Variants in DCBLD1 observed in about 807,000 individuals in gnomAD.
DCBLD1 encodes discoidin, CUB and LCCL domain containing 1, also known as discoidin, CUB and LCCL domain-containing protein 1.
DCBLD1 carries 57 observed loss-of-function variants against 71.5 expected under a neutral mutation model. That is an observed-to-expected ratio of 0.80 (90% CI 0.64 to 0.99). The LOEUF (loss-of-function observed/expected upper bound fraction) is 0.99. DCBLD1 is among the 50% of genes least tolerant of loss of function. The probability of loss-of-function intolerance (pLI) is 0.00; values close to 1 mark genes in which losing one functional copy is unlikely to be tolerated. For missense variants in DCBLD1, 891 were observed against 923.5 expected (o/e 0.96, Z 0.46); for synonymous variants, 380 against 363.8 (o/e 1.04, Z -0.51).
chr6:117,548,531 TG>T lies in DCBLD1; in HGVS notation c.*93del. 6.6e-7 allele frequency: 1 copy of T among 1,515,620 alleles called. No homozygotes were observed. 93.9% of individuals were successfully genotyped at this position (1,515,620 alleles called of 1,614,324 possible). On this transcript the variant is annotated 3_prime_UTR_variant, in exon 15 of 15. Transcript: ENST00000338728. ...AGCCTGCTGGTCCAGAGTGTGCGTG[TG>T]TATCGGTGTGTGTGTACACTTGCAT...
At chr6:117,524,216 T>G (rs1778473918) in intron 4 of DCBLD1, among the ~76,000 whole-genome samples, 1 of 151,718 alleles carries the variant, frequency 6.6e-6, no homozygotes, top group African/African-American at 2.4e-5. Flanking sequence ...TTTTTTTTTT[T>G]GAGACGGAGT....
chr6:117,536,784 G>A (rs1433183698), intron 6 of DCBLD1, among the ~76,000 whole-genome samples: 1 of 152,300 alleles, frequency 6.6e-6, no homozygotes, highest in East Asian at 1.9e-4. Flanking sequence ...GGAGATTTCA[G>A]GGCAGTAATC....
chr6:117,520,017 C>A (rs1778334103), intron 3 of DCBLD1, 67 bp downstream of exon 3: 1 of 1,591,658 alleles, frequency 6.3e-7, no homozygotes. Flanking sequence ...TGCCACTTAT[C>A]CCCATCCCTG....
intron 14 of DCBLD1, among the ~76,000 whole-genome samples, chr6:117,564,166 A>G (rs1779647049): frequency 6.6e-6 from 1 of 151,982 alleles, no homozygotes; most frequent in Admixed American, 6.6e-5. Flanking sequence ...TTTTTTGAAG[A>G]GACAGGGTTC....
chr6:117,532,142 G>A, intron 5 of DCBLD1, 118 bp from the exon 6 acceptor site: 1 of 1,419,878 alleles, frequency 7.0e-7, no homozygotes, highest in Non-Finnish European at 9.4e-7. Context: ...ATGGCCATTG[G>A]AAGGCTTTAT....
chr6:117,554,073 A>G (rs184653824), downstream of DCBLD1, among the ~76,000 whole-genome samples: 1 of 152,338 alleles, frequency 6.6e-6, no homozygotes, highest in Admixed American at 6.5e-5. Flanking sequence ...TAGCTATTAT[A>G]TGCAGCCTTC....
rs981040956 is a variant in DCBLD1, at chr6:117,539,049, C to A, written c.977-206C>A. On this transcript the variant is annotated intron_variant, in intron 8 of 14. Transcript: ENST00000338728. ...GGATATATGGATTAGAGAGATAATT[C>A]TTCAATGGTGAAATCTTTATATGGT... 1.1e-5 allele frequency: 8 copies of A among 697,834 alleles called. No individual in the cohort carries two copies. The African/African-American group carries it at 1.4e-4, about 13-fold the overall frequency. The allele number at this position is 697,834 out of a possible 1,614,324, so 43.2% of individuals were successfully genotyped here.
chr6:117,489,520 C>T (rs998029620), intron 1 of DCBLD1, among the ~76,000 whole-genome samples: 2 of 152,136 alleles, frequency 1.3e-5, no homozygotes, highest in African/African-American at 4.8e-5. Flanking sequence ...GAGGTAACAG[C>T]TTAAGTAGCT....
chr6:117,490,603 T>C (rs1015284647), intron 1 of DCBLD1, among the ~76,000 whole-genome samples: 3 of 152,076 alleles, frequency 2.0e-5, no homozygotes, highest in Non-Finnish European at 4.4e-5. Flanking sequence ...AAAGGTAAGG[T>C]GTATTTTTTT....
chr6:117,544,496 TA>T, intron 12 of DCBLD1, 31 bp from the exon 13 acceptor site: 1 of 1,612,420 alleles, frequency 6.2e-7, no homozygotes, highest in Non-Finnish European at 8.5e-7. Context: ...CATTGGCTTA[TA>T]AATATTCAGT....
intron 3 of DCBLD1, 111 bp from the exon 4 acceptor site, chr6:117,521,414 T>C (rs1778379781): frequency 4.6e-6 from 4 of 862,270 alleles, no homozygotes; most frequent in Admixed American, 6.4e-5. Flanking sequence ...GATAACTACA[T>C]AGTGAATAAA....
Position 117,487,439 on chromosome 6 carries a change from A to G in DCBLD1, c.112+4546A>G, listed in dbSNP as rs114473731. 2.2e-3 allele frequency among the ~76,000 whole-genome samples: 339 copies of G among 152,266 alleles called. 2 individuals carry two copies. The highest frequency in any genetic ancestry group is 7.8e-3 in the African/African-American group (326 of 41,550). On this transcript the variant is annotated intron_variant, in intron 1 of 14. Transcript: ENST00000338728. ...TCAGGAGTTTGAGACAGCCTGAGCA[A>G]CATAGCGAAATCCCATCTCTAGCGA...
chr6:117,549,242 A>G lies in DCBLD1; in HGVS notation c.*803A>G, dbSNP rs1461338224. ...GTACCTCAGATTAAAAATATTGCTG[A>G]GGTCAGACGCCACAATTTTCATGAC... On this transcript the variant is annotated 3_prime_UTR_variant, in exon 15 of 15. Coordinates refer to ENST00000338728, the MANE Select transcript of DCBLD1 (RefSeq NM_001366458.2). The G allele has an allele frequency of 1.0e-6, 1 of 985,420 alleles. No individual in the cohort carries two copies. The highest frequency in any genetic ancestry group is 1.2e-6 in the Non-Finnish European group (1 of 829,942). The allele number at this position is 985,420 out of a possible 1,614,324, so 61.0% of individuals were successfully genotyped here.
rs1355106554 is a variant in DCBLD1, at chr6:117,482,779, G to C, written c.-3G>C. Reference sequence around the variant, plus strand: ...GCTTGCCAAGCTGGCGCCCAGCGGGGTCATGGTGCCCGGCGCCCGCGGCGG... The same window carrying C: ...GCTTGCCAAGCTGGCGCCCAGCGGGCTCATGGTGCCCGGCGCCCGCGGCGG... On this transcript the variant is annotated 5_prime_UTR_variant, in exon 1 of 15. Coordinates refer to ENST00000338728, the MANE Select transcript of DCBLD1 (RefSeq NM_001366458.2). 2 of 1,139,414 alleles carry C rather than the reference G, an allele frequency of 1.8e-6. No homozygotes were observed. Among genetic ancestry groups the C allele is most frequent in the Non-Finnish European group, 2.2e-6 (2 of 929,302 alleles). 70.6% of individuals were successfully genotyped at this position (1,139,414 alleles called of 1,614,324 possible). A position where few individuals can be genotyped will look rare whatever the true frequency, so the allele number is the denominator to read the frequency against.
intron 14 of DCBLD1, chr6:117,563,488 A>G: frequency 9.5e-7 from 1 of 1,050,310 alleles, no homozygotes. Context: ...TTGAGAGGCC[A>G]AGGTGGGTGG....
intron 2 of DCBLD1, among the ~76,000 whole-genome samples, chr6:117,507,773 G>A (rs375080364): frequency 2.0e-5 from 3 of 152,120 alleles, no homozygotes; most frequent in East Asian, 1.9e-4. Flanking sequence ...TGTCAGTTGA[G>A]TTGGTTTGAT....
chr6:117,530,212 AG>A (rs1326261843), intron 5 of DCBLD1, among the ~76,000 whole-genome samples: 8 of 152,220 alleles, frequency 5.3e-5, no homozygotes, highest in African/African-American at 1.9e-4. Context: ...ACAAGGTGAC[AG>A]ACCTTCAGAA....
Position 117,540,712 on chromosome 6 carries a change from T to C in DCBLD1, c.1146T>C (p.Asn382=), listed in dbSNP as rs763989057. The change falls in exon 10 of 15, where the codon AAT becomes AAC. Residue 382 remains asparagine (N), a synonymous_variant. Coordinates refer to ENST00000338728, the MANE Select transcript of DCBLD1 (RefSeq NM_001366458.2). The part of the protein sequence containing the change: ...NSNFRDPVQN[N]FIPPIVARYV... ...ACTTTCGGGACCCAGTGCAAAACAA[T>C]TTCATCCCTCCCATCGTGGCCAGAT... 5.6e-6 allele frequency: 9 copies of C among 1,614,046 alleles called. No individual in the cohort carries two copies. In the East Asian group the frequency reaches 2.0e-4, roughly 36 times the overall value.
chr6:117,525,242 T>C (rs929937019), intron 4 of DCBLD1, 120 bp from the exon 5 acceptor site: 13 of 618,812 alleles, frequency 2.1e-5, no homozygotes, highest in Non-Finnish European at 2.3e-5. Context: ...GGTTTCTAAT[T>C]TGCCATTAAA....
Sources: allele counts gnomAD v4.1 joint callset (sites outside exome capture counted in the v4.1 genomes callset), GRCh38; gene constraint gnomAD v4.1.1; transcripts MANE v1.5; gene names NCBI Gene and HGNC (gene_info 2026-07-23, HGNC 2026-07-21).